COBLL1: variants seen among roughly 807,000 people sequenced by gnomAD.
COBLL1 encodes cordon-bleu protein-like 1.
In COBLL1, 50 loss-of-function variants were observed where a neutral mutation model predicts 94.8. The ratio of observed to expected loss-of-function variants is 0.53; its 90% CI spans 0.42 to 0.67. COBLL1 has a LOEUF of 0.67. Among genes scored for constraint, COBLL1 ranks in the 30% least tolerant of loss-of-function variants. The pLI, the probability that COBLL1 is intolerant of heterozygous loss-of-function variation, is 0.00. For synonymous variants in COBLL1, 448 were observed against 473.8 expected (o/e 0.95, Z 0.71); for missense variants, 1,362 against 1,348.7 (o/e 1.01, Z -0.15).
chr2:164,751,689 G>A (rs1050866124), intron 2 of COBLL1, among the ~76,000 whole-genome samples: 8 of 152,094 alleles, frequency 5.3e-5, no homozygotes, highest in East Asian at 3.9e-4. Flanking sequence ...AAATCCCCCC[G>A]CCAATAACCC....
At chr2:164,825,570 A>G (rs1404226125) in intron 2 of COBLL1, among the ~76,000 whole-genome samples, 1 of 152,206 alleles carries the variant, frequency 6.6e-6, no homozygotes. Context: ...CCTGCAAGAA[A>G]ATTTTTTAAA....
chr2:164,841,032 ACAGT>A lies in COBLL1; in HGVS notation c.41+120_41+123del, dbSNP rs1683574242. 1.9e-6 allele frequency: 2 copies of A among 1,031,802 alleles called. No individual in the cohort carries two copies. The highest frequency in any genetic ancestry group is 2.5e-6 in the Non-Finnish European group (2 of 808,152). The allele number at this position is 1,031,802 out of a possible 1,614,324, so 63.9% of individuals were successfully genotyped here. A position where few individuals can be genotyped will look rare whatever the true frequency, so the allele number is the denominator to read the frequency against. On this transcript the variant is annotated intron_variant, in intron 2 of 13. Coordinates refer to ENST00000652658, the MANE Select transcript of COBLL1 (RefSeq NM_001365672.2). This position sits in a 1 kb window ranked among gnomAD's most constrained non-coding sequence, Gnocchi z 5.5. ...AGCAGCCTCCCCGGCCGCGTGGAGG[ACAGT>A]CAGTGAGTCAGGCCGCCGGCAGGGC...
chr2:164,769,158 T>C (rs1319399909), intron 2 of COBLL1, among the ~76,000 whole-genome samples: 1 of 152,024 alleles, frequency 6.6e-6, no homozygotes. Flanking sequence ...ATTTTCCTAA[T>C]TTTGAAAAAA....
intron 2 of COBLL1, among the ~76,000 whole-genome samples, chr2:164,775,607 C>T (rs553353117): frequency 8.2e-4 from 125 of 152,176 alleles, no homozygotes; most frequent in Middle Eastern, 6.8e-3. Flanking sequence ...GGATTACAGG[C>T]GTGTGCCACC....
In COBLL1 at chr2:164,730,398, G is replaced by A. The variant is rs555733366; in HGVS notation, c.231-283C>T. ...CTGTAGTCCCACCTACTCAGGAGGT[G>A]GAGGCCAGAGAACAACACGAGCTCT... is the stretch of plus-strand genomic sequence containing the variant. On this transcript the variant is annotated intron_variant, in intron 3 of 13. Coordinates refer to ENST00000652658, the MANE Select transcript of COBLL1 (RefSeq NM_001365672.2). Among the ~76,000 whole-genome samples the A allele has an allele frequency of 1.5e-4, 23 of 151,736 alleles. No individual in the cohort carries two copies. The East Asian group carries it at 4.4e-3, about 29-fold the overall frequency.
At chr2:164,750,752 C>T (rs888611201) in intron 2 of COBLL1, among the ~76,000 whole-genome samples, 1 of 152,136 alleles carries the variant, frequency 6.6e-6, no homozygotes, top group Admixed American at 6.5e-5. Flanking sequence ...TTGCAGGCCC[C>T]AAATGAGCTA....
intron 3 of COBLL1, among the ~76,000 whole-genome samples, chr2:164,733,816 C>T (rs182186379): frequency 3.3e-5 from 5 of 152,254 alleles, no homozygotes; most frequent in African/African-American, 7.2e-5. Context: ...CTGATGGAAA[C>T]GTTCTATATC....
In COBLL1 at chr2:164,785,250, G is replaced by A. The variant is rs912773617; in HGVS notation, c.42-41375C>T. Among the ~76,000 whole-genome samples the A allele has an allele frequency of 3.3e-5, 5 of 152,176 alleles. No homozygotes were observed. In the South Asian group the frequency reaches 1.0e-3, roughly 32 times the overall value. Reference sequence around the variant, plus strand: ...CTAAAAATACAAAAATTAGCTGGGTGTAGTGGCATTCGCTTGTAGTTCCAG... The same window carrying A: ...CTAAAAATACAAAAATTAGCTGGGTATAGTGGCATTCGCTTGTAGTTCCAG... On this transcript the variant is annotated intron_variant, in intron 2 of 13. Coordinates refer to ENST00000652658, the MANE Select transcript of COBLL1 (RefSeq NM_001365672.2).
At chr2:164,687,088 C>A (rs1384391722) in intron 13 of COBLL1, among the ~76,000 whole-genome samples, 1 of 152,154 alleles carries the variant, frequency 6.6e-6, no homozygotes, top group African/African-American at 2.4e-5. Flanking sequence ...ACGCTACACA[C>A]CTAAAAGGAT....
chr2:164,702,999 TA>T (rs1407890800), intron 9 of COBLL1: 1 of 653,498 alleles, frequency 1.5e-6, no homozygotes. Flanking sequence ...TCTTTCTTTA[TA>T]AAATATGTTT....
intron 2 of COBLL1, among the ~76,000 whole-genome samples, chr2:164,792,207 C>A (rs1452314724): frequency 2.0e-5 from 3 of 152,030 alleles, no homozygotes; most frequent in Non-Finnish European, 4.4e-5. Context: ...CAGCTCACTG[C>A]AACCTCCACC....
chr2:164,755,958 GC>G (rs1437683364), intron 2 of COBLL1, among the ~76,000 whole-genome samples: 1 of 152,026 alleles, frequency 6.6e-6, no homozygotes, highest in African/African-American at 2.4e-5. Flanking sequence ...CATAGGGCCA[GC>G]TTTTGTTCAC....
rs552511510 is a variant in COBLL1, at chr2:164,686,921, G to A, written c.3301-889C>T. Reference sequence around the variant, plus strand: ...ATGGCCACAGATTTTCCTATTAACCGAGTAAATTGGTTAAAAGGAAAATGA... The same window carrying A: ...ATGGCCACAGATTTTCCTATTAACCAAGTAAATTGGTTAAAAGGAAAATGA... On this transcript the variant is annotated intron_variant, in intron 13 of 13. Coordinates refer to ENST00000652658, the MANE Select transcript of COBLL1 (RefSeq NM_001365672.2). Among the ~76,000 whole-genome samples the A allele has an allele frequency of 3.9e-4, 59 of 152,266 alleles. 1 individual carries two copies. In the South Asian group the frequency reaches 5.0e-3, roughly 13 times the overall value.
At chr2:164,708,418 A>AT (rs1684716576) in intron 7 of COBLL1, among the ~76,000 whole-genome samples, 1 of 152,206 alleles carries the variant, frequency 6.6e-6, no homozygotes, top group African/African-American at 2.4e-5. Context: ...CCGCTGCAAC[A>AT]AAAAGGTAAG....
intron 2 of COBLL1, among the ~76,000 whole-genome samples, chr2:164,788,015 G>A (rs532100549): frequency 3.3e-5 from 5 of 151,998 alleles, no homozygotes; most frequent in African/African-American, 9.7e-5. Context: ...ATGCTTCCCC[G>A]GCCTCCGTTT....
intron 2 of COBLL1, among the ~76,000 whole-genome samples, chr2:164,821,965 C>G (rs912773646): frequency 6.6e-6 from 1 of 152,178 alleles, no homozygotes; most frequent in Non-Finnish European, 1.5e-5. Flanking sequence ...ACATTAATAA[C>G]TTAGCTACAG....
intron 2 of COBLL1, among the ~76,000 whole-genome samples, chr2:164,824,741 CA>C (rs1162004140): frequency 6.6e-6 from 1 of 152,090 alleles, no homozygotes; most frequent in Non-Finnish European, 1.5e-5. Context: ...AGGTGGCTTG[CA>C]AAATTATTTT....
At position 164,695,722 on chromosome 2, in the gene COBLL1, A is replaced by C; in HGVS notation, c.1670T>G (p.Met557Arg). Residue 557 changes from methionine (M) to arginine (R), a missense_variant, in exon 12 of 14, where the codon ATG becomes AGG. Physicochemically the swap from Met to Arg is moderately conservative, Grantham distance 91. Coordinates refer to ENST00000652658, the MANE Select transcript of COBLL1 (RefSeq NM_001365672.2). ...EGVAKNNNID[M>R]EVERPSNSEA... The stretch of plus-strand genomic sequence containing the variant: ...AGAGTTTGATGGTCTCTCAACTTCC[A>C]TATCAATGTTGTTATTTTTGGCAAC... 3 of 1,613,774 alleles carry C rather than the reference A, an allele frequency of 1.9e-6. No homozygotes were observed. Among genetic ancestry groups the C allele is most frequent in the Non-Finnish European group, 2.5e-6 (3 of 1,179,848 alleles).
chr2:164,802,549 G>A (rs1683863885), intron 2 of COBLL1, among the ~76,000 whole-genome samples: 1 of 19,806 alleles, frequency 5.0e-5, no homozygotes, highest in South Asian at 7.6e-4. Flanking sequence ...GAAGATTGTG[G>A]CACAGCTTCC....
Sources: allele counts gnomAD v4.1 joint callset (sites outside exome capture counted in the v4.1 genomes callset), GRCh38; gene constraint gnomAD v4.1.1; non-coding constraint Gnocchi (gnomAD v3.1); transcripts MANE v1.5; gene names NCBI Gene and HGNC (gene_info 2026-07-23, HGNC 2026-07-21).